CACNA1B: variants seen among roughly 807,000 people sequenced by gnomAD.
CACNA1B encodes the protein voltage-dependent N-type calcium channel subunit alpha-1B.
CACNA1B carries 70 observed loss-of-function variants against 247.2 expected under a neutral mutation model. That is an observed-to-expected ratio of 0.28 (90% CI 0.23 to 0.35). CACNA1B has a LOEUF of 0.35. CACNA1B is among the 10% of genes least tolerant of loss of function. The pLI, the probability that CACNA1B is intolerant of heterozygous loss-of-function variation, is 1.00. For synonymous variants in CACNA1B, 1,231 were observed against 1,294.4 expected (o/e 0.95, Z 1.05); for missense variants, 2,367 against 3,197.4 (o/e 0.74, Z 6.26).
intron 21 of CACNA1B, among the ~76,000 whole-genome samples, chr9:138,045,925 G>C: frequency 6.6e-6 from 1 of 152,130 alleles, no homozygotes. Context: ...GAAGAGCTTA[G>C]AGGGGCTGGG....
In CACNA1B at chr9:138,120,364, T is replaced by A; in HGVS notation, c.6230T>A (p.Met2077Lys). Residue 2077 changes from methionine (M) to lysine (K), a missense_variant, in exon 45 of 47, where the codon ATG (methionine) becomes AAG (lysine). Physicochemically the swap from Met to Lys is moderately conservative, Grantham distance 95. Around this residue, in one of 12 missense-constraint regions of CACNA1B, gnomAD observed 773 missense variants for 779.4 expected, o/e 0.99. Transcript: ENST00000371372. Reference protein sequence around the residue: ...LEKGPSLSADMDGAPSSAVGP... With the variant: ...LEKGPSLSADKDGAPSSAVGP... The stretch of plus-strand genomic sequence containing the variant: ...AAGGGGCCCAGCCTGTCTGCCGATA[T>A]GGATGGCGGTGCGTGCGGAGGGGCC... The A allele has an allele frequency of 1.3e-6, 2 of 1,552,158 alleles. No homozygotes were observed. The highest frequency in any genetic ancestry group is 1.7e-6 in the Non-Finnish European group (2 of 1,155,278).
intron 39 of CACNA1B, among the ~76,000 whole-genome samples, chr9:138,108,384 A>G (rs1433897965): frequency 6.6e-6 from 1 of 151,962 alleles, no homozygotes; most frequent in Non-Finnish European, 1.5e-5. Context: ...AGAGTGGAAA[A>G]ACCTTCCAAG....
In CACNA1B at chr9:138,068,744, T is replaced by C. The variant is rs1960019066; in HGVS notation, c.4669-1014T>C. The C allele has an allele frequency of 5.4e-5, 24 of 446,002 alleles. 2 individuals are homozygous for C. The highest frequency in any genetic ancestry group is 3.9e-4 in the South Asian group (24 of 61,666). 27.6% of individuals were successfully genotyped at this position (446,002 alleles called of 1,614,324 possible). A position where few individuals can be genotyped will look rare whatever the true frequency, so the allele number is the denominator to read the frequency against. ...AAGAGGGGCGGGAACTGCTGACTGC[T>C]GAGAGGGCACAAAGTGGAGGGTGCC... On this transcript the variant is annotated intron_variant, in intron 31 of 46. Coordinates refer to ENST00000371372, the MANE Select transcript of CACNA1B (RefSeq NM_000718.4).
At chr9:137,916,354 T>G (rs1957411311) in intron 5 of CACNA1B, among the ~76,000 whole-genome samples, 2 of 152,170 alleles carry the variant, frequency 1.3e-5, no homozygotes, top group African/African-American at 4.8e-5. Flanking sequence ...AAAATATTTT[T>G]TTTCGGCCTT....
At chr9:138,048,273 T>C (rs1382096065) in intron 23 of CACNA1B, among the ~76,000 whole-genome samples, 1 of 152,184 alleles carries the variant, frequency 6.6e-6, no homozygotes, top group African/African-American at 2.4e-5. Context: ...AGCCAGGATG[T>C]GAGTGAAGGT....
At chr9:138,041,408 C>T (rs1380515191) in intron 20 of CACNA1B, among the ~76,000 whole-genome samples, 4 of 152,156 alleles carry the variant, frequency 2.6e-5, no homozygotes, top group African/African-American at 9.7e-5. Flanking sequence ...TTCTGTATTC[C>T]CCTCCAAAGC....
chr9:137,913,228 T>C lies in CACNA1B; in HGVS notation c.579T>C (p.Ala193=), dbSNP rs1488463854. The C allele has an allele frequency of 6.2e-7, 1 of 1,613,830 alleles. No individual in the cohort carries two copies. The highest frequency in any genetic ancestry group is 8.5e-7 in the Non-Finnish European group (1 of 1,179,878). Residue 193 remains alanine (A), a synonymous_variant, in exon 4 of 47, where the codon GCT becomes GCC. Transcript: ENST00000371372. This position sits in a 1 kb window ranked among gnomAD's most constrained non-coding sequence, Gnocchi z 5.2. ...GTDFDLRTLR[A]VRVLRPLKLV... ...ACTTCGACCTGCGAACACTGAGGGC[T>C]GTGCGTGTGCTGAGGCCCCTGAAGC...
rs1957392845 is a variant in CACNA1B at position 137,914,793 on chromosome 9, C to T, written c.762C>T (p.Phe254=). The T allele has an allele frequency of 1.9e-6, 3 of 1,613,932 alleles. No homozygotes were observed. Among genetic ancestry groups the T allele is most frequent in the Non-Finnish European group, 1.7e-6 (2 of 1,179,862 alleles). ...TGGGCAAGTTCCACAAGGCCTGTTT[C>T]CCCAACAGCACAGGTGAGGCCAGGC... The part of the protein sequence containing the change: ...FYMGKFHKAC[F]PNSTDAEPVG... Residue 254 remains phenylalanine, a synonymous_variant, in exon 5 of 47, where the codon TTC becomes TTT. Transcript: ENST00000371372. The surrounding 1 kb of genome is among the most constrained non-coding windows in gnomAD (Gnocchi z 4.3).
At chr9:138,067,134 A>G (rs943845056) in intron 31 of CACNA1B, among the ~76,000 whole-genome samples, 27 of 152,178 alleles carry the variant, frequency 1.8e-4, no homozygotes, top group African/African-American at 6.5e-4. Flanking sequence ...AGGTAAGTGA[A>G]CACATTACTA....
chr9:138,077,576 C>T (rs979031778), intron 35 of CACNA1B, among the ~76,000 whole-genome samples: 4 of 152,102 alleles, frequency 2.6e-5, no homozygotes, highest in South Asian at 4.2e-4. Context: ...TGCTTCCTGC[C>T]GTGTAGGGCA....
chr9:137,934,190 GGT>G (rs1957638383), intron 6 of CACNA1B, among the ~76,000 whole-genome samples: 1 of 152,168 alleles, frequency 6.6e-6, no homozygotes, highest in East Asian at 1.9e-4. Context: ...CAGGTTCACA[GGT>G]GTAGTGGCTG....
At chr9:138,008,358 G>A (rs976510214) in intron 16 of CACNA1B, among the ~76,000 whole-genome samples, 4 of 152,194 alleles carry the variant, frequency 2.6e-5, no homozygotes, top group Middle Eastern at 3.2e-3. Flanking sequence ...TCCACTCAGC[G>A]TTAGTCCTGC....
At position 138,036,626 on chromosome 9, in the gene CACNA1B, C is replaced by G. The variant is rs189641436; in HGVS notation, c.3287-7148C>G. The stretch of plus-strand genomic sequence containing the variant: ...CCTTCTGTTGTTTCTGTTGAGAAGC[C>G]AGTCATTCGTCTAAATTTTTTTTCC... On this transcript the variant is annotated intron_variant, in intron 20 of 46. Coordinates refer to ENST00000371372, the MANE Select transcript of CACNA1B (RefSeq NM_000718.4). Among the ~76,000 whole-genome samples, 238 of 152,276 alleles carry G rather than the reference C, an allele frequency of 1.6e-3. 1 individual carries two copies. Among genetic ancestry groups the G allele is most frequent in the African/African-American group, 5.0e-3 (207 of 41,550 alleles).
At chr9:138,017,033 A>G (rs575234603) in intron 18 of CACNA1B, 409 of 467,742 alleles carry the variant, frequency 8.7e-4, no homozygotes, top group Middle Eastern at 1.5e-3. Context: ...CCAGATGCAC[A>G]TGGCAGCCTG....
At chr9:138,070,211 C>T (rs1960075135) in intron 32 of CACNA1B, among the ~76,000 whole-genome samples, 1 of 152,186 alleles carries the variant, frequency 6.6e-6, no homozygotes, top group Non-Finnish European at 1.5e-5. Context: ...CCCCGCTTTG[C>T]CCAGGTGGCC....
At chr9:138,068,702 G>C (rs965486591) in intron 31 of CACNA1B, 5 of 504,032 alleles carry the variant, frequency 9.9e-6, no homozygotes, top group African/African-American at 7.7e-5. Flanking sequence ...GTTTCTGCGT[G>C]TGTGTGCCTC....
chr9:138,089,673 G>A (rs978622481), intron 36 of CACNA1B, among the ~76,000 whole-genome samples: 8 of 152,054 alleles, frequency 5.3e-5, no homozygotes, highest in Non-Finnish European at 1.0e-4. Context: ...AAAATAAGCC[G>A]CATCCAAACT....
intron 19 of CACNA1B, among the ~76,000 whole-genome samples, chr9:138,024,049 T>C (rs1000568348): frequency 6.6e-6 from 1 of 152,194 alleles, no homozygotes; most frequent in Non-Finnish European, 1.5e-5. Context: ...GTAAAAGGCT[T>C]GGCAGAGTGT....
At chr9:138,109,881 G>A (rs939286613) in intron 39 of CACNA1B, among the ~76,000 whole-genome samples, 2 of 152,126 alleles carry the variant, frequency 1.3e-5, no homozygotes, top group Non-Finnish European at 2.9e-5. Context: ...GACCAACTTG[G>A]CCAACATGGT....
Sources: gnomAD v4.1 joint callset for allele counts (sites outside exome capture counted in the v4.1 genomes callset) on GRCh38, gnomAD v4.1.1 for gene constraint, gnomAD v4.1.1 regional missense constraint, Gnocchi (gnomAD v3.1) non-coding constraint, MANE v1.5 for transcripts, NCBI Gene and HGNC (gene_info 2026-07-23, HGNC 2026-07-21) for gene names.